The following TNNT1 variants were observed in gnomAD, a reference collection of about 807,000 sequenced individuals.
TNNT1 encodes the protein troponin T, slow skeletal muscle.
A neutral mutation model predicts 50.6 loss-of-function variants in TNNT1; 53 were observed. The ratio of observed to expected loss-of-function variants is 1.05; its 90% CI spans 0.84 to 1.32. The LOEUF is 1.32. TNNT1 is among the 40% of genes most tolerant of loss of function. The pLI is 0.00. For missense variants in TNNT1, 348 were observed against 381.7 expected (o/e 0.91, Z 0.74); for synonymous variants, 142 against 138.0 (o/e 1.03, Z -0.20).
chr19:55,147,073 G>A (rs377675432), intron 2 of TNNT1, 52 bp from the exon 3 acceptor site: 96 of 1,613,142 alleles, frequency 6.0e-5, no homozygotes, highest in Admixed American at 1.5e-4. Context: ...GACCTGGGGT[G>A]GGAGAGCCTC....
At chr19:55,145,153 AC>A (rs57752750) in intron 6 of TNNT1, among the ~76,000 whole-genome samples, 6,442 of 122,180 alleles carry the variant, frequency 0.053, 240 homozygotes, top group African/African-American at 0.13. Context: ...AAAAAAAAAA[AC>A]CAGGTGTGGT....
At chr19:55,147,071 G>T in intron 2 of TNNT1, 50 bp from the exon 3 acceptor site, 1 of 1,613,368 alleles carries the variant, frequency 6.2e-7, no homozygotes, top group Non-Finnish European at 8.5e-7. Flanking sequence ...TAGACCTGGG[G>T]TGGGAGAGCC....
chr19:55,147,290 G>A lies in TNNT1; in HGVS notation c.-11-122C>T, dbSNP rs2085579798. On this transcript the variant is annotated intron_variant, in intron 1 of 13. Transcript: ENST00000588981. ...CTCCTGGGTCTGGACTCCTGGGTGT[G>A]AGAGAGGAGGAGCTGGGGTCTGGAC... 5.6e-6 allele frequency: 5 copies of A among 892,616 alleles called. No individual in the cohort carries two copies. In the East Asian group the frequency reaches 1.4e-4, roughly 24 times the overall value. 55.3% of individuals were successfully genotyped at this position (892,616 alleles called of 1,614,324 possible). A position where few individuals can be genotyped will look rare whatever the true frequency, so the allele number is the denominator to read the frequency against.
At chr19:55,144,072 CTTT>C (rs562324375) in intron 6 of TNNT1, among the ~76,000 whole-genome samples, 1 of 124,006 alleles carries the variant, frequency 8.1e-6, no homozygotes, top group Non-Finnish European at 1.7e-5. Context: ...ACCCCACCCC[CTTT>C]TTTTTTTTTT....
Position 55,141,345 on chromosome 19 carries a change from G to C in TNNT1, c.193-43C>G, listed in dbSNP as rs200133434. 18 of 1,475,698 alleles carry C rather than the reference G, an allele frequency of 1.2e-5. No individual in the cohort carries two copies. In the Admixed American group the frequency reaches 2.5e-4, roughly 21 times the overall value. 91.4% of individuals were successfully genotyped at this position (1,475,698 alleles called of 1,614,324 possible). On this transcript the variant is annotated intron_variant, in intron 7 of 13. Transcript: ENST00000588981. The stretch of plus-strand genomic sequence containing the variant: ...AGCCCGTCCTAGGAGACCCTGGAGG[G>C]GGCAGCAGCCTCCCAGCACCTCCCC...
intron 11 of TNNT1, among the ~76,000 whole-genome samples, chr19:55,135,062 T>G (rs983912577): frequency 2.0e-5 from 3 of 152,078 alleles, no homozygotes; most frequent in Admixed American, 2.0e-4. Context: ...CTCCCTTTCT[T>G]CTAGAAATAG....
Position 55,133,052 on chromosome 19 carries a change from A to G in TNNT1, c.792-92T>C, listed in dbSNP as rs925517253. The G allele has an allele frequency of 1.1e-5, 13 of 1,160,548 alleles. No individual in the cohort carries two copies. In the Admixed American group the frequency reaches 1.4e-4, roughly 12 times the overall value. The allele number at this position is 1,160,548 out of a possible 1,614,324, so 71.9% of individuals were successfully genotyped here. A position where few individuals can be genotyped will look rare whatever the true frequency, so the allele number is the denominator to read the frequency against. On this transcript the variant is annotated intron_variant, in intron 13 of 13. Coordinates refer to ENST00000588981, the MANE Select transcript of TNNT1 (RefSeq NM_003283.6). ...CTCAATTCAGGAAGCCCATTCCCCA[A>G]AATATTAGCCCTCCCTGCCCAGAGG...
At chr19:55,145,769 G>A (rs1385308587) in intron 5 of TNNT1, among the ~76,000 whole-genome samples, 2 of 151,776 alleles carry the variant, frequency 1.3e-5, no homozygotes, top group East Asian at 2.0e-4. Flanking sequence ...GAGGAAGAGG[G>A]TCACACGCAT....
intron 3 of TNNT1, 44 bp downstream of exon 3, chr19:55,146,964 T>C: frequency 1.9e-6 from 3 of 1,568,808 alleles, no homozygotes; most frequent in Middle Eastern, 2.1e-4. Context: ...CAAGAGCTCC[T>C]GGGCGTGTCC....
chr19:55,141,829 G>A (rs2085461477), intron 7 of TNNT1, 28 bp downstream of exon 7: 2 of 1,612,816 alleles, frequency 1.2e-6, no homozygotes, highest in South Asian at 1.1e-5. Flanking sequence ...TAGCAACTGC[G>A]CCTGCGGAGG....
intron 11 of TNNT1, 45 bp downstream of exon 11, chr19:55,137,054 CCTGT>C (rs2085356973): frequency 1.6e-6 from 2 of 1,225,050 alleles, no homozygotes; most frequent in South Asian, 2.5e-5. Flanking sequence ...CCTTTATCCC[CCTGT>C]CTCACACCCA....
Position 55,132,902 on chromosome 19 carries a change from C to A in TNNT1, c.*13G>T. On this transcript the variant is annotated 3_prime_UTR_variant, in exon 14 of 14. Transcript: ENST00000588981. Reference sequence around the variant, plus strand: ...CCCAGGCTTCCCAGGTGCCACTGTCCGGGGCGGCATCCTCACTTCCAGCGG... The same window carrying A: ...CCCAGGCTTCCCAGGTGCCACTGTCAGGGGCGGCATCCTCACTTCCAGCGG... The A allele has an allele frequency of 6.3e-7, 1 of 1,598,414 alleles. No homozygotes were observed. The highest frequency in any genetic ancestry group is 8.5e-7 in the Non-Finnish European group (1 of 1,173,730).
intron 6 of TNNT1, 78 bp from the exon 7 acceptor site, chr19:55,141,998 A>G: frequency 1.4e-6 from 2 of 1,477,574 alleles, no homozygotes; most frequent in East Asian, 2.3e-5. Context: ...TGTGCCGTCC[A>G]GTGAGGTAGC....
intron 6 of TNNT1, among the ~76,000 whole-genome samples, chr19:55,143,364 T>C (rs994542576): frequency 6.6e-6 from 1 of 152,174 alleles, no homozygotes; most frequent in African/African-American, 2.4e-5. Context: ...GGTGCCGCTC[T>C]GAGGCTCAGC....
chr19:55,134,833 C>T (rs1382422711), intron 11 of TNNT1, among the ~76,000 whole-genome samples: 1 of 8,956 alleles, frequency 1.1e-4, no homozygotes, highest in African/African-American at 5.5e-4. Flanking sequence ...GGAGGGGAGA[C>T]GAGGGGAAGG....
chr19:55,137,898 G>T (rs1005775807), intron 10 of TNNT1, 63 bp downstream of exon 10: 30 of 1,586,864 alleles, frequency 1.9e-5, no homozygotes, highest in Non-Finnish European at 2.5e-5. Flanking sequence ...AGGAACCAGA[G>T]GTCTGGCCCC....
intron 6 of TNNT1, among the ~76,000 whole-genome samples, chr19:55,142,292 TC>T (rs1371960103): frequency 2.8e-5 from 4 of 144,412 alleles, no homozygotes; most frequent in African/African-American, 8.6e-5. Context: ...GGCTAATTTT[TC>T]TGTATTTTTA....
chr19:55,139,811 AAATAAT>A (rs1026495714), intron 9 of TNNT1, among the ~76,000 whole-genome samples: 1 of 151,518 alleles, frequency 6.6e-6, no homozygotes, highest in East Asian at 1.9e-4. Context: ...AAATAAAAAA[AAATAAT>A]AATAATAGTA....
chr19:55,137,839 C>A (rs2085381177), intron 10 of TNNT1, 122 bp downstream of exon 10: 3 of 1,256,842 alleles, frequency 2.4e-6, no homozygotes, highest in African/African-American at 1.5e-5. Context: ...CAGGGCCCAG[C>A]CCCTCCTCCC....
Sources: gnomAD v4.1 joint callset for allele counts (sites outside exome capture counted in the v4.1 genomes callset) on GRCh38, gnomAD v4.1.1 for gene constraint, MANE v1.5 for transcripts, NCBI Gene and HGNC (gene_info 2026-07-23, HGNC 2026-07-21) for gene names.